The following SAMMSON variants were observed in gnomAD, a reference collection of about 807,000 sequenced individuals.
SAMMSON encodes survival associated mitochondrial melanoma specific oncogenic non-coding RNA, also known as long intergenic non-protein coding RNA 1212.
At chr3:70,085,990 C>A (rs2067283977) in intron 4 of SAMMSON, among the ~76,000 whole-genome samples, 1 of 152,178 alleles carries the variant, frequency 6.6e-6, no homozygotes, top group Non-Finnish European at 1.5e-5. Context: ...TTAAGAATAT[C>A]TAATAGTTGG....
At chr3:70,309,308 G>T (rs1226911886) in intron 7 of SAMMSON, among the ~76,000 whole-genome samples, 2 of 152,124 alleles carry the variant, frequency 1.3e-5, no homozygotes, top group African/African-American at 2.4e-5. Context: ...ATACCACTTT[G>T]TTGTAGGTAT....
chr3:70,103,837 A>G (rs2067355353), intron 4 of SAMMSON, among the ~76,000 whole-genome samples: 1 of 152,186 alleles, frequency 6.6e-6, no homozygotes, highest in African/African-American at 2.4e-5. Flanking sequence ...CATTCTTGCA[A>G]AAAATGAGCG....
chr3:70,367,459 G>A (rs1488849331), intron 9 of SAMMSON, among the ~76,000 whole-genome samples: 1 of 151,392 alleles, frequency 6.6e-6, no homozygotes, highest in Non-Finnish European at 1.5e-5. Flanking sequence ...TTCCACATAT[G>A]AGTGAGAACA....
intron 4 of SAMMSON, among the ~76,000 whole-genome samples, chr3:70,091,245 G>A (rs1046701952): frequency 5.3e-5 from 8 of 152,168 alleles, no homozygotes; most frequent in Non-Finnish European, 7.4e-5. Context: ...CTTGGGAGAT[G>A]AGGATCCTAA....
intron 4 of SAMMSON, among the ~76,000 whole-genome samples, chr3:70,081,778 A>G (rs1422741636): frequency 6.6e-6 from 1 of 152,232 alleles, no homozygotes; most frequent in Non-Finnish European, 1.5e-5. Context: ...AAGTACAATG[A>G]ACAATCAATA....
At chr3:70,291,818 C>T in intron 7 of SAMMSON, 1 of 152,162 alleles carries the variant, frequency 6.6e-6, no homozygotes, top group East Asian at 1.9e-4. Flanking sequence ...CTTTTTAATG[C>T]TCTTCTTTCA....
At chr3:70,028,836 T>A (rs529354133) in intron 3 of SAMMSON, among the ~76,000 whole-genome samples, 15 of 152,332 alleles carry the variant, frequency 9.8e-5, no homozygotes, top group African/African-American at 2.6e-4. Flanking sequence ...TTCTCACCGA[T>A]GATAATGATA....
chr3:70,142,341 G>T (rs2067531077), intron 4 of SAMMSON, among the ~76,000 whole-genome samples: 1 of 152,128 alleles, frequency 6.6e-6, no homozygotes, highest in Non-Finnish European at 1.5e-5. Context: ...GTATATGATG[G>T]AATACTACTC....
At chr3:70,065,945 A>G (rs1016982844) in intron 3 of SAMMSON, among the ~76,000 whole-genome samples, 12 of 152,142 alleles carry the variant, frequency 7.9e-5, no homozygotes, top group Non-Finnish European at 1.8e-4. Flanking sequence ...AACATATGGA[A>G]CGAAATCCCA....
intron 7 of SAMMSON, among the ~76,000 whole-genome samples, chr3:70,324,318 G>C (rs191552119): frequency 1.3e-5 from 2 of 152,160 alleles, no homozygotes; most frequent in Admixed American, 6.6e-5. Flanking sequence ...CCACTTGAAA[G>C]TTATGCACTG....
intron 2 of SAMMSON, among the ~76,000 whole-genome samples, chr3:70,416,489 A>T (rs1327716813): frequency 2.6e-5 from 4 of 152,262 alleles, no homozygotes; most frequent in Middle Eastern, 3.4e-3. Flanking sequence ...TTACTCACGG[A>T]TGGGTGGTAA....
At chr3:70,014,195 A>G (rs984467760) in intron 3 of SAMMSON, 3 of 152,192 alleles carry the variant, frequency 2.0e-5, no homozygotes, top group Non-Finnish European at 4.4e-5. Context: ...TCCCACACCT[A>G]GTGACCTGTG....
At chr3:70,294,826 A>C (rs1702274560) in intron 7 of SAMMSON, among the ~76,000 whole-genome samples, 1 of 152,140 alleles carries the variant, frequency 6.6e-6, no homozygotes, top group African/African-American at 2.4e-5. Flanking sequence ...ATGGTTTCCC[A>C]AGTTTCAAGC....
At chr3:70,162,250 G>A (rs750325778) in intron 4 of SAMMSON, among the ~76,000 whole-genome samples, 24 of 151,574 alleles carry the variant, frequency 1.6e-4, no homozygotes, top group Admixed American at 5.3e-4. Context: ...GAGATCTTTC[G>A]TCTTTTTAAA....
chr3:70,319,857 A>G (rs914292912), intron 7 of SAMMSON, among the ~76,000 whole-genome samples: 3 of 152,066 alleles, frequency 2.0e-5, no homozygotes, highest in African/African-American at 7.2e-5. Flanking sequence ...TTGGTATATT[A>G]TTGCCTCAGT....
intron 4 of SAMMSON, among the ~76,000 whole-genome samples, chr3:70,127,967 T>A (rs1446554104): frequency 3.9e-5 from 6 of 152,180 alleles, no homozygotes; most frequent in Non-Finnish European, 8.8e-5. Flanking sequence ...AGATGATAGT[T>A]CATACTCTGG....
At chr3:70,168,787 C>G (rs1180585809) in intron 4 of SAMMSON, among the ~76,000 whole-genome samples, 1 of 151,914 alleles carries the variant, frequency 6.6e-6, no homozygotes, top group Non-Finnish European at 1.5e-5. Context: ...TATTATGTTT[C>G]TCATCATTGT....
At chr3:70,104,671 A>G (rs147741995) in intron 4 of SAMMSON, among the ~76,000 whole-genome samples, 1 of 152,264 alleles carries the variant, frequency 6.6e-6, no homozygotes, top group East Asian at 1.9e-4. Context: ...GAAAATGCAA[A>G]ACTGTCATAA....
chr3:70,126,167 T>A, intron 4 of SAMMSON: 1 of 1,206,378 alleles, frequency 8.3e-7, no homozygotes, highest in Non-Finnish European at 1.2e-6. Flanking sequence ...TTAAGAAAAG[T>A]CAGCCCATGG....
Sources: allele counts gnomAD v4.1 joint callset (sites outside exome capture counted in the v4.1 genomes callset), GRCh38; gene constraint gnomAD v4.1.1; transcripts MANE v1.5; gene names NCBI Gene and HGNC (gene_info 2026-07-23, HGNC 2026-07-21).